The following COX7B2 variants were observed in gnomAD, a reference collection of about 807,000 sequenced individuals.
COX7B2 encodes cytochrome c oxidase subunit 7B2.
For synonymous variants in COX7B2, 37 were observed against 32.1 expected (o/e 1.15, Z -0.51); for missense variants, 109 against 95.9 (o/e 1.14, Z -0.57).
intron 1 of COX7B2, among the ~76,000 whole-genome samples, chr4:46,858,016 G>T (rs1049199645): frequency 1.3e-5 from 2 of 152,074 alleles, no homozygotes; most frequent in African/African-American, 2.4e-5. Context: ...TGGGGTTTTT[G>T]AATAACTTTA....
intron 2 of COX7B2, among the ~76,000 whole-genome samples, chr4:46,747,246 C>T (rs1715073987): frequency 6.6e-6 from 1 of 151,088 alleles, no homozygotes; most frequent in South Asian, 2.1e-4. Flanking sequence ...TGTTATTCCC[C>T]TCTATGTGTC....
At chr4:46,773,287 G>T (rs566938624) in intron 2 of COX7B2, among the ~76,000 whole-genome samples, 12 of 152,142 alleles carry the variant, frequency 7.9e-5, no homozygotes, top group African/African-American at 2.7e-4. Context: ...CTGAATCATG[G>T]GGGCAGTTAC....
chr4:46,889,947 C>T (rs1297080564), intron 1 of COX7B2, among the ~76,000 whole-genome samples: 1 of 147,492 alleles, frequency 6.8e-6, no homozygotes. Flanking sequence ...GTCTGGGTTA[C>T]TTTTATTATG....
chr4:46,897,763 A>G (rs1232258701), intron 1 of COX7B2, among the ~76,000 whole-genome samples: 1 of 152,184 alleles, frequency 6.6e-6, no homozygotes, highest in Non-Finnish European at 1.5e-5. Context: ...GTGTAAATTT[A>G]CATGGACACA....
chr4:46,840,621 G>A (rs1325547983), intron 2 of COX7B2, among the ~76,000 whole-genome samples: 2 of 151,988 alleles, frequency 1.3e-5, no homozygotes, highest in African/African-American at 4.8e-5. Flanking sequence ...GGGCTTCATG[G>A]GACTTCTAAT....
intron 2 of COX7B2, among the ~76,000 whole-genome samples, chr4:46,813,958 A>G (rs975809743): frequency 6.6e-6 from 1 of 152,242 alleles, no homozygotes; most frequent in African/African-American, 2.4e-5. Flanking sequence ...ATCCTCAGAG[A>G]AATGAAAATC....
At chr4:46,883,004 G>A (rs1718846671) in intron 1 of COX7B2, among the ~76,000 whole-genome samples, 1 of 152,040 alleles carries the variant, frequency 6.6e-6, no homozygotes, top group South Asian at 2.1e-4. Flanking sequence ...ACAATTTGAA[G>A]GCTATGATTT....
chr4:46,779,777 A>T (rs1456629264), intron 2 of COX7B2, among the ~76,000 whole-genome samples: 1 of 151,990 alleles, frequency 6.6e-6, no homozygotes, highest in African/African-American at 2.4e-5. Context: ...AAAAAAAAAA[A>T]CTTGAATACA....
At chr4:46,760,535 G>T (rs916667363) in intron 2 of COX7B2, among the ~76,000 whole-genome samples, 5 of 151,882 alleles carry the variant, frequency 3.3e-5, no homozygotes, top group African/African-American at 1.2e-4. Flanking sequence ...GAGGGGCAGG[G>T]TATCACACAC....
At chr4:46,746,349 TC>T (rs768149562) in intron 2 of COX7B2, among the ~76,000 whole-genome samples, 1 of 152,206 alleles carries the variant, frequency 6.6e-6, no homozygotes, top group Non-Finnish European at 1.5e-5. Flanking sequence ...ATATGTGTTT[TC>T]TAATGAAAAG....
chr4:46,895,773 C>T (rs927034903), intron 1 of COX7B2, among the ~76,000 whole-genome samples: 1 of 152,054 alleles, frequency 6.6e-6, no homozygotes, highest in Non-Finnish European at 1.5e-5. Flanking sequence ...TTAAGGCCCC[C>T]CCCAAATTGT....
chr4:46,842,919 T>C (rs1716030478), intron 2 of COX7B2, among the ~76,000 whole-genome samples: 1 of 152,202 alleles, frequency 6.6e-6, no homozygotes, highest in East Asian at 1.9e-4. Context: ...ATATACCCAG[T>C]AATGGGATGG....
In COX7B2 at chr4:46,887,395, A is replaced by G. The variant is rs141102670; in HGVS notation, c.-105+21765T>C. On this transcript the variant is annotated intron_variant, in intron 1 of 2. Coordinates refer to ENST00000355591, the MANE Select transcript of COX7B2 (RefSeq NM_130902.3). ...AGTCCTGGAGGATTCATCTAAGATC[A>G]TGTACATAAAACTACTTTAAAAAGT... Among the ~76,000 whole-genome samples, 592 of 152,270 alleles carry G rather than the reference A, an allele frequency of 3.9e-3. 6 individuals are homozygous for G. The highest frequency in any genetic ancestry group is 0.014 in the African/African-American group (577 of 41,562).
intron 2 of COX7B2, among the ~76,000 whole-genome samples, chr4:46,766,881 G>C (rs928527694): frequency 6.6e-6 from 1 of 151,886 alleles, no homozygotes; most frequent in African/African-American, 2.4e-5. Context: ...AAAGAGAAAA[G>C]AATCAAAGCC....
intron 1 of COX7B2, among the ~76,000 whole-genome samples, chr4:46,883,763 C>A (rs1338463303): frequency 6.9e-6 from 1 of 144,600 alleles, no homozygotes; most frequent in Non-Finnish European, 1.5e-5. Context: ...TTCTATTAAT[C>A]AGAATAAACC....
Position 46,735,011 on chromosome 4 carries a change from A to G in COX7B2, c.182T>C (p.Ile61Thr). Residue 61 changes from isoleucine (I) to threonine (T), a missense_variant, in exon 3 of 3, where the codon ATT becomes ACT. By Grantham distance (89) the Ile-to-Thr change is moderately conservative. Transcript: ENST00000355591. ...VATWVFTATQ[I>T]GIEWNLSPVG... The stretch of plus-strand genomic sequence containing the variant: ...AGGGGATAGGTTCCATTCTATTCCA[A>G]TCTGAGTGGCTGTAAACACCCATGT... 2.5e-6 allele frequency: 4 copies of G among 1,614,094 alleles called. No homozygotes were observed. The highest frequency in any genetic ancestry group is 1.1e-5 in the South Asian group (1 of 91,078).
chr4:46,753,278 T>C (rs1194255870), intron 2 of COX7B2, among the ~76,000 whole-genome samples: 1 of 152,150 alleles, frequency 6.6e-6, no homozygotes, highest in Non-Finnish European at 1.5e-5. Flanking sequence ...CTTTATCATT[T>C]TTTATTGCAT....
intron 2 of COX7B2, among the ~76,000 whole-genome samples, chr4:46,795,540 T>A (rs1355096479): frequency 7.0e-6 from 1 of 143,526 alleles, no homozygotes; most frequent in African/African-American, 2.8e-5. Context: ...GAGGGCTCTG[T>A]TCTGTTCCAT....
intron 2 of COX7B2, among the ~76,000 whole-genome samples, chr4:46,831,814 G>A (rs759184728): frequency 1.1e-4 from 16 of 151,884 alleles, no homozygotes; most frequent in Non-Finnish European, 1.5e-4. Flanking sequence ...ACCAATCTGC[G>A]CTCTGTGTCT....
Sources: gnomAD v4.1 joint callset for allele counts (sites outside exome capture counted in the v4.1 genomes callset) on GRCh38, gnomAD v4.1.1 for gene constraint, MANE v1.5 for transcripts, NCBI Gene and HGNC (gene_info 2026-07-23, HGNC 2026-07-21) for gene names.